CUL4A: variants seen among roughly 807,000 people sequenced by gnomAD.
CUL4A encodes cullin 4A.
In CUL4A, 16 loss-of-function variants were observed where a neutral mutation model predicts 95.5. That is an observed-to-expected ratio of 0.17 (90% confidence interval 0.11 to 0.25). The LOEUF is 0.25. Among genes scored for constraint, CUL4A ranks in the 10% least tolerant of loss-of-function variants. CUL4A has a pLI of 1.00. For missense variants in CUL4A, 610 were observed against 937.0 expected (o/e 0.65, Z 4.56); for synonymous variants, 380 against 353.1 (o/e 1.08, Z -0.85).
At chr13:113,249,288 A>G (rs920014911) in intron 15 of CUL4A, among the ~76,000 whole-genome samples, 1 of 151,894 alleles carries the variant, frequency 6.6e-6, no homozygotes, top group African/African-American at 2.4e-5. Flanking sequence ...GCTGTACCAT[A>G]CATGAGCGCT....
intron 14 of CUL4A, 138 bp downstream of exon 14, chr13:113,245,375 A>G: frequency 5.3e-6 from 4 of 752,264 alleles, no homozygotes; most frequent in Non-Finnish European, 2.2e-6. Context: ...TACCCTGATC[A>G]ACATAGCAAG....
intron 7 of CUL4A, among the ~76,000 whole-genome samples, chr13:113,234,511 A>G (rs935540967): frequency 3.9e-5 from 6 of 152,200 alleles, no homozygotes; most frequent in Non-Finnish European, 8.8e-5. Flanking sequence ...TGGTTCCTTC[A>G]TTCTGGCTTT....
chr13:113,225,511 C>A (rs1331283437), intron 3 of CUL4A, among the ~76,000 whole-genome samples: 2 of 152,254 alleles, frequency 1.3e-5, no homozygotes, highest in East Asian at 3.8e-4. Context: ...GACTTTCCAT[C>A]TTAACAAGAC....
At chr13:113,225,248 G>A (rs573846178) in intron 3 of CUL4A, among the ~76,000 whole-genome samples, 5 of 152,200 alleles carry the variant, frequency 3.3e-5, no homozygotes, top group East Asian at 1.9e-4. Flanking sequence ...ACAGACTCAC[G>A]GTGTCTGTGT....
At chr13:113,227,777 C>T (rs926018529) in intron 3 of CUL4A, among the ~76,000 whole-genome samples, 199 bp from the exon 4 acceptor site, 1 of 152,032 alleles carries the variant, frequency 6.6e-6, no homozygotes, top group Non-Finnish European at 1.5e-5. Flanking sequence ...TGGTGGCACA[C>T]GCCTGTAATC....
intron 4 of CUL4A, among the ~76,000 whole-genome samples, chr13:113,228,385 G>A (rs2041184651): frequency 6.6e-6 from 1 of 152,146 alleles, no homozygotes; most frequent in Non-Finnish European, 1.5e-5. Flanking sequence ...CAGCGTCTTA[G>A]GCTTTGTAGA....
chr13:113,241,432 G>A (rs764461710), intron 10 of CUL4A, among the ~76,000 whole-genome samples: 1 of 151,508 alleles, frequency 6.6e-6, no homozygotes, highest in Non-Finnish European at 1.5e-5. Context: ...AGGGTGTAGA[G>A]TAAGAGGTAA....
At chr13:113,258,978 T>C (rs1276124837) in intron 18 of CUL4A, among the ~76,000 whole-genome samples, 3 of 152,236 alleles carry the variant, frequency 2.0e-5, no homozygotes, top group Admixed American at 2.0e-4. Context: ...GACAGGCTAA[T>C]GAAATGCTGA....
chr13:113,218,863 A>T, intron 2 of CUL4A, 82 bp from the exon 3 acceptor site: 3 of 899,762 alleles, frequency 3.3e-6, no homozygotes, highest in Non-Finnish European at 5.2e-6. Flanking sequence ...TCTTATGATT[A>T]CAGCTATGTT....
rs1360756584 is a variant in CUL4A, at chr13:113,229,482, A to G, written c.475A>G (p.Thr159Ala). 1.2e-5 allele frequency: 20 copies of G among 1,613,740 alleles called. No individual in the cohort carries two copies. The highest frequency in any genetic ancestry group is 1.7e-5 in the Non-Finnish European group (20 of 1,180,026). The change falls in exon 5 of 20, where the codon ACC becomes GCC. Residue 159 changes from threonine to alanine, a missense_variant. By Grantham distance (58) the Thr-to-Ala change is moderately conservative (BLOSUM62 0). Transcript: ENST00000375440. The stretch of plus-strand genomic sequence containing the variant: ...AAGCATCTTCCTGTTCTTGGACCGC[A>G]CCTATGTGCTGCAGAACTCCACGCT... ...IRSIFLFLDR[T>A]YVLQNSTLPS...
chr13:113,239,491 G>A lies in CUL4A; in HGVS notation c.975G>A (p.Leu325=), dbSNP rs780132772. Residue 325 remains leucine (L), a synonymous_variant, in exon 10 of 20, where the codon CTG becomes CTA. Coordinates refer to ENST00000375440, the MANE Select transcript of CUL4A (RefSeq NM_001008895.4). ...RVPDLAQMYQ[L]FSRVRGGQQA... is the part of the protein sequence containing the mutation. Reference sequence around the variant, plus strand: ...CGGACCTCGCACAGATGTACCAGCTGTTCAGCCGGGTGAGGGGCGGGCAGC... The same window carrying A: ...CGGACCTCGCACAGATGTACCAGCTATTCAGCCGGGTGAGGGGCGGGCAGC... 1 of 1,613,954 alleles carries A rather than the reference G, an allele frequency of 6.2e-7. No individual in the cohort carries two copies. Among genetic ancestry groups the A allele is most frequent in the Non-Finnish European group, 8.5e-7 (1 of 1,179,954 alleles).
At chr13:113,228,985 G>A (rs1190817734) in intron 4 of CUL4A, among the ~76,000 whole-genome samples, 3 of 151,700 alleles carry the variant, frequency 2.0e-5, no homozygotes, top group Admixed American at 6.6e-5. Context: ...AAAATTAACC[G>A]GGTGGGGTGG....
chr13:113,248,338 TTC>T (rs935940026), intron 15 of CUL4A, among the ~76,000 whole-genome samples: 2 of 152,174 alleles, frequency 1.3e-5, no homozygotes, highest in Non-Finnish European at 2.9e-5. Context: ...ACTTATTTAT[TTC>T]TCTCTCTTTA....
At chr13:113,226,427 C>G (rs2041107388) in intron 3 of CUL4A, among the ~76,000 whole-genome samples, 1 of 152,208 alleles carries the variant, frequency 6.6e-6, no homozygotes, top group African/African-American at 2.4e-5. Flanking sequence ...GGAACAATGT[C>G]TGCACCACGA....
intron 16 of CUL4A, among the ~76,000 whole-genome samples, chr13:113,253,614 A>T (rs1004423907): frequency 2.6e-5 from 4 of 152,262 alleles, no homozygotes; most frequent in Non-Finnish European, 5.9e-5. Context: ...TGGAAGAAGC[A>T]TAAACTGTAG....
chr13:113,209,644 CG>C lies in CUL4A; in HGVS notation c.18del (p.Arg7GlyfsTer120). On this transcript the variant is annotated frameshift_variant, in exon 1 of 20. Coordinates refer to ENST00000375440, the MANE Select transcript of CUL4A (RefSeq NM_001008895.4). LOFTEE classifies it high-confidence loss of function. ...GGCCCAGCCATGGCGGACGAGGCCC[CG>C]CGGAAGGGCAGCTTCTCGGCGCTCG... MADEA[P>X]RKGSFSALVG... The C allele has an allele frequency of 9.0e-7, 1 of 1,106,238 alleles. No individual in the cohort carries two copies. The highest frequency in any genetic ancestry group is 5.0e-5 in the East Asian group (1 of 19,962). 68.5% of individuals were successfully genotyped at this position (1,106,238 alleles called of 1,614,324 possible).
intron 5 of CUL4A, among the ~76,000 whole-genome samples, chr13:113,232,242 C>G: frequency 6.5e-5 from 1 of 15,480 alleles, no homozygotes; most frequent in African/African-American, 1.1e-4. Context: ...CCGCCCACCA[C>G]CATTACTGCT....
chr13:113,210,040 C>T lies in CUL4A; in HGVS notation c.216C>T (p.Ala72=). ...TWRKLHEAVR[A]VQSSTSIRYN... ...GGAAGCTGCACGAGGCGGTGCGGGC[C>T]GTGCAGAGCAGCACCTCCATCAGGT... The change falls in exon 2 of 20, where the codon GCC becomes GCT. Residue 72 remains alanine (A), a synonymous_variant. Coordinates refer to ENST00000375440, the MANE Select transcript of CUL4A (RefSeq NM_001008895.4). 6.6e-7 allele frequency: 1 copy of T among 1,525,716 alleles called. No homozygotes were observed. The highest frequency in any genetic ancestry group is 2.1e-5 in the Admixed American group (1 of 48,756). The allele number at this position is 1,525,716 out of a possible 1,614,324, so 94.5% of individuals were successfully genotyped here. A position where few individuals can be genotyped will look rare whatever the true frequency, so the allele number is the denominator to read the frequency against.
At chr13:113,262,811 G>C (rs1403838048) in intron 19 of CUL4A, 1 of 151,488 alleles carries the variant, frequency 6.6e-6, no homozygotes, top group Admixed American at 6.6e-5. Flanking sequence ...GGCAGATGTC[G>C]GATCTGCCTC....
Sources: allele counts gnomAD v4.1 joint callset (sites outside exome capture counted in the v4.1 genomes callset), GRCh38; gene constraint gnomAD v4.1.1; transcripts MANE v1.5; gene names NCBI Gene and HGNC (gene_info 2026-07-23, HGNC 2026-07-21).